Variants in CERT1 observed in about 807,000 individuals in gnomAD.
The protein encoded by CERT1 is ceramide transporter 1, also known as ceramide transfer protein.
CERT1 carries 31 observed loss-of-function variants against 87.9 expected under a neutral mutation model. The ratio of observed to expected loss-of-function variants is 0.35; its 90% CI spans 0.27 to 0.48. CERT1 has a LOEUF of 0.48. CERT1 is among the 20% of genes least tolerant of loss of function. The probability of loss-of-function intolerance (pLI) is 0.99; values close to 1 mark genes in which losing one functional copy is unlikely to be tolerated. For synonymous variants in CERT1, 289 were observed against 250.9 expected (o/e 1.15, Z -1.44); for missense variants, 487 against 758.0 (o/e 0.64, Z 4.20).
Position 75,381,065 on chromosome 5 carries a change from T to A in CERT1, c.1747+7A>T. ...TTATCAAAGAGCAAAAACAATAAAATACATACCATTAGCTACATATGTAAT... is the reference window on the plus strand; with the variant it reads ...TTATCAAAGAGCAAAAACAATAAAAAACATACCATTAGCTACATATGTAAT... On this transcript the variant is annotated splice_region_variant and intron_variant, in intron 16 of 16. Transcript: ENST00000643780. The A allele has an allele frequency of 6.2e-7, 1 of 1,613,882 alleles. No individual in the cohort carries two copies. Among genetic ancestry groups the A allele is most frequent in the Admixed American group, 1.7e-5 (1 of 60,014 alleles).
At chr5:75,455,964 C>T (rs1008462362) in intron 3 of CERT1, among the ~76,000 whole-genome samples, 27 of 152,174 alleles carry the variant, frequency 1.8e-4, no homozygotes, top group African/African-American at 6.3e-4. Flanking sequence ...ATGATTAGTA[C>T]TTGGTGATCC....
chr5:75,417,496 T>C (rs1763182944), intron 6 of CERT1, among the ~76,000 whole-genome samples: 1 of 152,180 alleles, frequency 6.6e-6, no homozygotes, highest in South Asian at 2.1e-4. Flanking sequence ...TTAAACTCAA[T>C]GCCTTTTACG....
At position 75,389,560 on chromosome 5, in the gene CERT1, T is replaced by C. The variant is rs776105659; in HGVS notation, c.1284+32A>G. ...TAATATGACTGAAACAGAGACGCCT[T>C]TGGCAATCTATAACATTTCAGGGGG... On this transcript the variant is annotated intron_variant, in intron 12 of 16. Transcript: ENST00000643780. The C allele has an allele frequency of 4.5e-5, 69 of 1,540,986 alleles. No homozygotes were observed. The Admixed American group carries it at 6.3e-4, about 14-fold the overall frequency.
intron 3 of CERT1, among the ~76,000 whole-genome samples, chr5:75,451,509 C>G (rs1010848367): frequency 6.6e-6 from 1 of 152,206 alleles, no homozygotes; most frequent in Non-Finnish European, 1.5e-5. Flanking sequence ...CTAACACACT[C>G]ATGAAATTAC....
chr5:75,403,040 T>C lies in CERT1; in HGVS notation c.949A>G (p.Ile317Val). 1 of 1,613,108 alleles carries C rather than the reference T, an allele frequency of 6.2e-7. No homozygotes were observed. Among genetic ancestry groups the C allele is most frequent in the Non-Finnish European group, 8.5e-7 (1 of 1,179,116 alleles). Residue 317 changes from isoleucine to valine, a missense_variant, in exon 9 of 17, where the codon ATT becomes GTT. Coordinates refer to ENST00000643780, the MANE Select transcript of CERT1 (RefSeq NM_001379029.1). Reference sequence around the variant, plus strand: ...GCATCAAAGAACTCTTCTTCATTAATCAGACTGTTAGGGCCTTCCTATTCC... The same window carrying C: ...GCATCAAAGAACTCTTCTTCATTAACCAGACTGTTAGGGCCTTCCTATTCC... Reference protein sequence around the residue: ...PDYEEGPNSLINEEEFFDAVE... With the variant: ...PDYEEGPNSLVNEEEFFDAVE...
chr5:75,493,081 T>C (rs1238316285), intron 2 of CERT1, among the ~76,000 whole-genome samples: 3 of 152,216 alleles, frequency 2.0e-5, no homozygotes, highest in African/African-American at 7.2e-5. Flanking sequence ...TAATTCTTCC[T>C]TGTTTTGATG....
At position 75,501,156 on chromosome 5, in the gene CERT1, A is replaced by AT. The variant is rs536105518; in HGVS notation, c.231+4825dup. The stretch of plus-strand genomic sequence containing the variant: ...ACCACCACGCCAAGCTGATTTGTGT[A>AT]TTTTTTTGATGTAGAGATGGGGTTC... On this transcript the variant is annotated intron_variant, in intron 2 of 16. Transcript: ENST00000643780. Among the ~76,000 whole-genome samples, 64 of 152,016 alleles carry AT rather than the reference A, an allele frequency of 4.2e-4. 1 individual carries two copies. The East Asian group carries it at 0.012, about 28-fold the overall frequency.
chr5:75,436,414 A>G (rs889146858), intron 3 of CERT1, among the ~76,000 whole-genome samples: 3 of 152,156 alleles, frequency 2.0e-5, no homozygotes, highest in African/African-American at 7.2e-5. Flanking sequence ...CTTTACCTAA[A>G]ATGGCTCTAG....
At chr5:75,400,528 T>A (rs1034118464) in intron 9 of CERT1, 8 of 424,558 alleles carry the variant, frequency 1.9e-5, no homozygotes, top group Non-Finnish European at 4.2e-6. Flanking sequence ...AGGCAAGGGA[T>A]AAGTTCGTTG....
At chr5:75,466,169 A>AT (rs1469078425) in intron 2 of CERT1, among the ~76,000 whole-genome samples, 1 of 152,070 alleles carries the variant, frequency 6.6e-6, no homozygotes, top group Non-Finnish European at 1.5e-5. Context: ...GCCCCCTTTT[A>AT]TTGGGTTCTG....
chr5:75,500,877 A>T (rs986162345), intron 2 of CERT1, among the ~76,000 whole-genome samples: 1 of 151,938 alleles, frequency 6.6e-6, no homozygotes, highest in Non-Finnish European at 1.5e-5. Flanking sequence ...ACATTCAAAA[A>T]TTTTTTACAT....
chr5:75,408,808 A>C (rs1264772508), intron 8 of CERT1, among the ~76,000 whole-genome samples: 1 of 152,154 alleles, frequency 6.6e-6, no homozygotes, highest in East Asian at 1.9e-4. Context: ...TGAATATCTG[A>C]TAAACATAAT....
intron 3 of CERT1, among the ~76,000 whole-genome samples, chr5:75,456,241 T>C (rs537389399): frequency 6.6e-6 from 1 of 152,288 alleles, no homozygotes; most frequent in South Asian, 2.1e-4. Flanking sequence ...ATATTCTAAA[T>C]ATGAATTCAC....
intron 2 of CERT1, among the ~76,000 whole-genome samples, chr5:75,476,728 T>C (rs1765968755): frequency 6.6e-6 from 1 of 152,194 alleles, no homozygotes; most frequent in Admixed American, 6.5e-5. Context: ...AACTGGATAG[T>C]AAAATACTTC....
At chr5:75,490,195 G>A (rs914144466) in intron 2 of CERT1, among the ~76,000 whole-genome samples, 11 of 152,064 alleles carry the variant, frequency 7.2e-5, no homozygotes, top group Non-Finnish European at 4.4e-5. Flanking sequence ...GGGGCCTGTC[G>A]GGAGGTTGGG....
At chr5:75,385,378 C>T (rs971770048) in intron 13 of CERT1, among the ~76,000 whole-genome samples, 8 of 152,148 alleles carry the variant, frequency 5.3e-5, no homozygotes, top group African/African-American at 1.7e-4. Flanking sequence ...GAGGCTGAGG[C>T]AGAAGAATCA....
Position 75,381,963 on chromosome 5 carries a change from G to C in CERT1, c.1603C>G (p.His535Asp). 2 of 1,613,204 alleles carry C rather than the reference G, an allele frequency of 1.2e-6. No individual in the cohort carries two copies. The highest frequency in any genetic ancestry group is 1.7e-6 in the Non-Finnish European group (2 of 1,179,650). Residue 535 changes from histidine (H) to aspartate (D), a missense_variant, in exon 15 of 17, where the codon CAT becomes GAT. Coordinates refer to ENST00000643780, the MANE Select transcript of CERT1 (RefSeq NM_001379029.1). ...CATGTACTTACAGGAGCACTGTCAT[G>C]ATCCACAGAAAAATTACAAACTATC... ...TWIVCNFSVDHDSAPLNNRCV... is the reference protein window; with the variant it reads ...TWIVCNFSVDDDSAPLNNRCV...
intron 2 of CERT1, among the ~76,000 whole-genome samples, chr5:75,503,537 T>C (rs1318915990): frequency 2.0e-5 from 3 of 151,874 alleles, no homozygotes; most frequent in Non-Finnish European, 4.4e-5. Flanking sequence ...TAACATGGAG[T>C]CTGTGAACCC....
intron 2 of CERT1, among the ~76,000 whole-genome samples, chr5:75,481,716 T>C (rs1766255385): frequency 6.6e-6 from 1 of 152,190 alleles, no homozygotes. Context: ...TCATATAACA[T>C]ATTGACTTGA....
Sources: gnomAD v4.1 joint callset for allele counts (sites outside exome capture counted in the v4.1 genomes callset) on GRCh38, gnomAD v4.1.1 for gene constraint, MANE v1.5 for transcripts, NCBI Gene and HGNC (gene_info 2026-07-23, HGNC 2026-07-21) for gene names.